BCAN: variants seen among roughly 807,000 people sequenced by gnomAD.
BCAN encodes the protein brevican.
BCAN carries 51 observed loss-of-function variants against 92.4 expected under a neutral mutation model. The ratio of observed to expected loss-of-function variants is 0.55; its 90% CI spans 0.44 to 0.70. BCAN has a LOEUF of 0.70. Ranked by LOEUF, BCAN falls within the 30% of genes least tolerant of loss-of-function variation. The probability of loss-of-function intolerance (pLI) is 0.00; values close to 1 mark genes in which losing one functional copy is unlikely to be tolerated. For synonymous variants in BCAN, 501 were observed against 505.2 expected (o/e 0.99, Z 0.11); for missense variants, 1,140 against 1,212.1 (o/e 0.94, Z 0.88).
In BCAN at chr1:156,657,631, C is replaced by T. The variant is rs747300526; in HGVS notation, c.2210-44C>T. The T allele has an allele frequency of 3.9e-6, 6 of 1,532,566 alleles. No homozygotes were observed. The South Asian group carries it at 4.7e-5, about 12-fold the overall frequency. The allele number at this position is 1,532,566 out of a possible 1,614,324, so 94.9% of individuals were successfully genotyped here. ...CCGCCCGGGAGCGGGGAACGGCCGC[C>T]ATCTGCTGGCGGCTGCGCTCACTGC... On this transcript the variant is annotated intron_variant, in intron 10 of 13. Coordinates refer to ENST00000329117, the MANE Select transcript of BCAN (RefSeq NM_021948.5).
chr1:156,648,619 G>T lies in BCAN; in HGVS notation c.821G>T (p.Arg274Leu), dbSNP rs754520227. 6.2e-7 allele frequency: 1 copy of T among 1,607,714 alleles called. No homozygotes were observed. Residue 274 changes from arginine (R) to leucine (L), a missense_variant, in exon 6 of 14, where the codon CGG becomes CTG. Physicochemically the swap from Arg to Leu is moderately radical, Grantham distance 102. Transcript: ENST00000329117. ...GAGAAGCTGACATTGGAGGAAGCAC[G>T]GGCGTACTGCCAGGAGCGGGGTGCA... is the stretch of plus-strand genomic sequence containing the variant. ...PPEKLTLEEARAYCQERGAEI... is the reference protein window; with the variant it reads ...PPEKLTLEEALAYCQERGAEI...
intron 6 of BCAN, 88 bp downstream of exon 6, chr1:156,648,949 G>T: frequency 7.1e-7 from 1 of 1,412,910 alleles, no homozygotes; most frequent in Non-Finnish European, 9.4e-7. Flanking sequence ...GATCAGTTTA[G>T]CTCAGGGCTT....
At position 156,646,979 on chromosome 1, in the gene BCAN, G is replaced by A; in HGVS notation, c.270G>A (p.Val90=). ...TGTCCCGGGGCCGGGAGGCAGAGGT[G>A]CTGGTGGCGCGGGGAGTGCGCGTCA... ...TFLSRGREAE[V]LVARGVRVKV... is the part of the protein sequence containing the mutation. The change falls in exon 3 of 14, where the codon GTG becomes GTA. Residue 90 remains valine, a synonymous_variant. Transcript: ENST00000329117. The A allele has an allele frequency of 1.2e-5, 20 of 1,612,974 alleles. No individual in the cohort carries two copies. The highest frequency in any genetic ancestry group is 1.6e-5 in the Non-Finnish European group (19 of 1,179,600).
intron 8 of BCAN, chr1:156,653,494 A>T: frequency 2.0e-6 from 2 of 986,922 alleles, no homozygotes; most frequent in South Asian, 9.4e-5. Context: ...CTCTGTCTCC[A>T]TCTCCTGCTG....
chr1:156,656,614 C>T (rs759568295), intron 9 of BCAN: 2 of 483,106 alleles, frequency 4.1e-6, no homozygotes, highest in Admixed American at 3.5e-5. Flanking sequence ...AAGCATACTC[C>T]TGGCATTTAA....
chr1:156,645,918 A>G, intron 1 of BCAN, 129 bp from the exon 2 acceptor site: 1 of 676,768 alleles, frequency 1.5e-6, no homozygotes. Flanking sequence ...CAGAGAGTCC[A>G]TGGTGATGTG....
rs759917346 is a variant in BCAN at position 156,656,373 on chromosome 1, G to A, written c.2034G>A (p.Gly678=). The part of the protein sequence containing the change: ...VRCLCLPGYG[G]DLCDVGLRFC... ...GCCTATGTCTGCCTGGCTATGGGGGGGACCTGTGCGATGTTGGTGAGTGTT... is the reference window on the plus strand; with the variant it reads ...GCCTATGTCTGCCTGGCTATGGGGGAGACCTGTGCGATGTTGGTGAGTGTT... The change falls in exon 9 of 14, where the codon GGG becomes GGA. Residue 678 remains glycine (G), a synonymous_variant. Transcript: ENST00000329117. 27 of 1,381,934 alleles carry A rather than the reference G, an allele frequency of 2.0e-5. 1 individual carries two copies. The Middle Eastern group carries it at 7.7e-4, about 39-fold the overall frequency. 85.6% of individuals were successfully genotyped at this position (1,381,934 alleles called of 1,614,324 possible).
chr1:156,654,366 G>T (rs1195654612), intron 8 of BCAN, among the ~76,000 whole-genome samples: 1 of 152,274 alleles, frequency 6.6e-6, no homozygotes, highest in East Asian at 1.9e-4. Flanking sequence ...TTGGAGTTCA[G>T]CCCTGTGGGG....
At chr1:156,655,986 C>A (rs1198403856) in intron 8 of BCAN, among the ~76,000 whole-genome samples, 1 of 152,182 alleles carries the variant, frequency 6.6e-6, no homozygotes, top group Non-Finnish European at 1.5e-5. Flanking sequence ...GCTGGGTTCT[C>A]AGGGCTCTCC....
At position 156,642,123 on chromosome 1, in the gene BCAN, C is replaced by G. The variant is rs983352460; in HGVS notation, c.-161C>G. 1 of 152,310 alleles carries G rather than the reference C, an allele frequency of 6.6e-6. No homozygotes were observed. Among genetic ancestry groups the G allele is most frequent in the Non-Finnish European group, 1.5e-5 (1 of 68,132 alleles). 9.4% of individuals were successfully genotyped at this position (152,310 alleles called of 1,614,324 possible). A position where few individuals can be genotyped will look rare whatever the true frequency, so the allele number is the denominator to read the frequency against. On this transcript the variant is annotated 5_prime_UTR_variant, in exon 1 of 14. Transcript: ENST00000329117. This position sits in a 1 kb window ranked among gnomAD's most constrained non-coding sequence, Gnocchi z 4.2. ...CGCCGGGAGGGCCGGCGCCCTCTTC[C>G]GAATGTCCTGCGGCCCCAGCCTCTC...
At chr1:156,650,039 G>C in intron 6 of BCAN, 1 of 458,548 alleles carries the variant, frequency 2.2e-6, no homozygotes, top group South Asian at 1.6e-5. Context: ...CAGATCTGTG[G>C]ACATATTTGG....
Position 156,652,885 on chromosome 1 carries a change from C to T in BCAN, c.1935C>T (p.Pro645=), listed in dbSNP as rs764243051. 2.5e-5 allele frequency: 40 copies of T among 1,613,458 alleles called. No individual in the cohort carries two copies. The Admixed American group carries it at 2.7e-4, about 11-fold the overall frequency. The part of the protein sequence containing the change: ...SASRGGVAVV[P]ASGDCVPSPC... The stretch of plus-strand genomic sequence containing the variant: ...GCCGAGGTGGAGTGGCCGTGGTCCC[C>T]GCATCAGGTAATTCTGCCCAAGGCT... Residue 645 remains proline (P), a synonymous_variant, in exon 8 of 14, where the codon CCC becomes CCT. Coordinates refer to ENST00000329117, the MANE Select transcript of BCAN (RefSeq NM_021948.5).
Position 156,647,302 on chromosome 1 carries a change from G to C in BCAN, c.466+127G>C. The C allele has an allele frequency of 7.9e-7, 1 of 1,264,478 alleles. No individual in the cohort carries two copies. The highest frequency in any genetic ancestry group is 1.1e-6 in the Non-Finnish European group (1 of 934,206). 78.3% of individuals were successfully genotyped at this position (1,264,478 alleles called of 1,614,324 possible). A position where few individuals can be genotyped will look rare whatever the true frequency, so the allele number is the denominator to read the frequency against. On this transcript the variant is annotated intron_variant, in intron 3 of 13. Coordinates refer to ENST00000329117, the MANE Select transcript of BCAN (RefSeq NM_021948.5). This position sits in a 1 kb window ranked among gnomAD's most constrained non-coding sequence, Gnocchi z 4.8. ...GAAGGCGCAGCCTGGGTTGGAAAAA[G>C]AGTGAGGAGACACGGGCCTTTGTTG...
chr1:156,644,753 G>A (rs1427707157), intron 1 of BCAN: 1 of 152,332 alleles, frequency 6.6e-6, no homozygotes, highest in East Asian at 1.9e-4. Context: ...CAGATGCTGA[G>A]AGGGCAGGGA....
chr1:156,646,230 G>C lies in BCAN; in HGVS notation c.91+85G>C, dbSNP rs139302363. ...CAGGCTTAGGGGCCCCAGGAAGAGA[G>C]AGAATTGGAGGGCTGTGGGGAAGCG... On this transcript the variant is annotated intron_variant, in intron 2 of 13. Transcript: ENST00000329117. 6.2e-6 allele frequency: 8 copies of C among 1,289,982 alleles called. No homozygotes were observed. The East Asian group carries it at 2.0e-4, about 32-fold the overall frequency. 79.9% of individuals were successfully genotyped at this position (1,289,982 alleles called of 1,614,324 possible). A position where few individuals can be genotyped will look rare whatever the true frequency, so the allele number is the denominator to read the frequency against.
intron 5 of BCAN, 131 bp from the exon 6 acceptor site, chr1:156,648,433 ATCCT>A: frequency 1.0e-6 from 1 of 997,898 alleles, no homozygotes; most frequent in Non-Finnish European, 1.5e-6. Flanking sequence ...TCAGACTATG[ATCCT>A]ATGAAGTAGA....
At chr1:156,657,392 C>G (rs1298992517) in intron 10 of BCAN, 2 of 553,610 alleles carry the variant, frequency 3.6e-6, no homozygotes, top group East Asian at 6.2e-5. Flanking sequence ...CTCCGACCTC[C>G]GTCGGCCTCC....
In BCAN at chr1:156,647,400, C is replaced by A; in HGVS notation, c.467-108C>A. The A allele has an allele frequency of 1.6e-6, 2 of 1,250,546 alleles. No individual in the cohort carries two copies. The highest frequency in any genetic ancestry group is 2.2e-6 in the Non-Finnish European group (2 of 905,914). The allele number at this position is 1,250,546 out of a possible 1,614,324, so 77.5% of individuals were successfully genotyped here. A position where few individuals can be genotyped will look rare whatever the true frequency, so the allele number is the denominator to read the frequency against. ...TAAGTCCCTCATGCTGTAGAGTGAG[C>A]ACAATTGAACTTTATTTACCCTTGT... On this transcript the variant is annotated intron_variant, in intron 3 of 13. Transcript: ENST00000329117. This position sits in a 1 kb window ranked among gnomAD's most constrained non-coding sequence, Gnocchi z 4.8.
At chr1:156,650,875 G>A (rs1234720352) in intron 6 of BCAN, among the ~76,000 whole-genome samples, 5 of 152,218 alleles carry the variant, frequency 3.3e-5, no homozygotes, top group South Asian at 2.1e-4. Context: ...TCCAGGAGGC[G>A]AAGGTTGCAA....
Sources: gnomAD v4.1 joint callset for allele counts (sites outside exome capture counted in the v4.1 genomes callset) on GRCh38, gnomAD v4.1.1 for gene constraint, Gnocchi (gnomAD v3.1) non-coding constraint, MANE v1.5 for transcripts, NCBI Gene and HGNC (gene_info 2026-07-23, HGNC 2026-07-21) for gene names.